Variants in STIL observed in about 807,000 individuals in gnomAD.
STIL encodes SCL-interrupting locus protein.
In STIL, 55 loss-of-function variants were observed where a neutral mutation model predicts 110.1. The observed-to-expected ratio is 0.50, with a 90% CI of 0.40 to 0.63. The LOEUF (loss-of-function observed/expected upper bound fraction) is 0.63. Ranked by LOEUF, STIL falls within the 20% of genes least tolerant of loss-of-function variation. The pLI is 0.00. For missense variants in STIL, 1,358 were observed against 1,530.0 expected (o/e 0.89, Z 1.87); for synonymous variants, 481 against 530.0 (o/e 0.91, Z 1.27).
At chr1:47,288,892 C>CAAAAAAAAAAAAAA (rs138649605) in intron 9 of STIL, among the ~76,000 whole-genome samples, 1 of 94,788 alleles carries the variant, frequency 1.1e-5, no homozygotes, top group Non-Finnish European at 2.1e-5. Context: ...AATGAAAATA[C>CAAAAAAAAAAAAAA]AAAAAAAAAA....
At chr1:47,309,001 G>A (rs182548060) in intron 2 of STIL, among the ~76,000 whole-genome samples, 2 of 151,212 alleles carry the variant, frequency 1.3e-5, no homozygotes, top group Admixed American at 6.6e-5. Context: ...GCAGTGAGCC[G>A]AGATGGCGCC....
At chr1:47,301,911 T>C (rs1438970596) in intron 4 of STIL, among the ~76,000 whole-genome samples, 163 bp from the exon 5 acceptor site, 1 of 152,226 alleles carries the variant, frequency 6.6e-6, no homozygotes, top group Non-Finnish European at 1.5e-5. Flanking sequence ...CTTATAAGCG[T>C]ATACTAAAGT....
upstream of STIL, among the ~76,000 whole-genome samples, chr1:47,314,865 C>A (rs796556126): frequency 3.8e-4 from 58 of 151,866 alleles, no homozygotes; most frequent in African/African-American, 1.3e-3. Context: ...GCTGGTATTA[C>A]AGGCGTCCAC....
rs1409833618 is a variant in STIL, at chr1:47,305,076, T to G, written c.45-80A>C. 6 of 906,194 alleles carry G rather than the reference T, an allele frequency of 6.6e-6. No homozygotes were observed. In the South Asian group the frequency reaches 8.3e-5, roughly 13 times the overall value. 56.1% of individuals were successfully genotyped at this position (906,194 alleles called of 1,614,324 possible). A position where few individuals can be genotyped will look rare whatever the true frequency, so the allele number is the denominator to read the frequency against. ...ATTTGGTAGGAAACAACTAACTATC[T>G]TTAAGGTGATGGTATTTTCAGACTA... On this transcript the variant is annotated intron_variant, in intron 2 of 16. Transcript: ENST00000371877.
intron 8 of STIL, among the ~76,000 whole-genome samples, chr1:47,292,011 C>T (rs1645504840): frequency 6.6e-6 from 1 of 151,178 alleles, no homozygotes; most frequent in Non-Finnish European, 1.5e-5. Context: ...GTCATTACAC[C>T]CAGCTAACTT....
intron 8 of STIL, among the ~76,000 whole-genome samples, chr1:47,292,177 C>G (rs1372337055): frequency 6.6e-6 from 1 of 151,708 alleles, no homozygotes; most frequent in Non-Finnish European, 1.5e-5. Context: ...GTCTGGGGAC[C>G]TTTATTTTGT....
chr1:47,271,490 C>T lies in STIL; in HGVS notation c.2383+586G>A, dbSNP rs191591590. 4.0e-3 allele frequency among the ~76,000 whole-genome samples: 571 copies of T among 142,206 alleles called. 2 individuals carry two copies. The highest frequency in any genetic ancestry group is 0.014 in the African/African-American group (547 of 38,140). The allele number at this position is 142,206 out of a possible 152,430, so 93.3% of individuals were successfully genotyped here. A position where few individuals can be genotyped will look rare whatever the true frequency, so the allele number is the denominator to read the frequency against. On this transcript the variant is annotated intron_variant, in intron 13 of 16. Transcript: ENST00000371877. ...AGGAAAATCACTTGAACCCAGGAGGCGGAGGTTGCAGTGAGCCGAGACTAT... is the reference window on the plus strand; with the variant it reads ...AGGAAAATCACTTGAACCCAGGAGGTGGAGGTTGCAGTGAGCCGAGACTAT...
intron 13 of STIL, among the ~76,000 whole-genome samples, chr1:47,270,928 C>T (rs1466826122): frequency 1.3e-5 from 2 of 152,054 alleles, no homozygotes; most frequent in East Asian, 3.9e-4. Flanking sequence ...ATCCACCTGC[C>T]TTGACCTCCC....
At chr1:47,259,193 A>G (rs6688323) in intron 16 of STIL, among the ~76,000 whole-genome samples, 52,730 of 148,870 alleles carry the variant, frequency 0.35, 10,625 homozygotes, top group African/African-American at 0.55. Flanking sequence ...TCACCGTGTT[A>G]GCCAGAATGG....
intron 14 of STIL, among the ~76,000 whole-genome samples, chr1:47,267,652 G>A (rs559508902): frequency 7.8e-5 from 11 of 140,832 alleles, no homozygotes; most frequent in Admixed American, 5.8e-4. Flanking sequence ...CAGCCAGGGC[G>A]ACAGAGCGAG....
At chr1:47,294,992 G>A (rs544205317) in intron 7 of STIL, among the ~76,000 whole-genome samples, 59 of 152,160 alleles carry the variant, frequency 3.9e-4, no homozygotes, top group African/African-American at 1.4e-3. Context: ...CGCAATCTCA[G>A]CTCACTGCAA....
At chr1:47,289,623 G>A in intron 8 of STIL, 38 bp from the exon 9 acceptor site, 1 of 1,553,068 alleles carries the variant, frequency 6.4e-7, no homozygotes, top group South Asian at 1.1e-5. Context: ...ATTTAATGAG[G>A]ATAACATGAT....
At chr1:47,275,677 T>C (rs2742100) in intron 12 of STIL, among the ~76,000 whole-genome samples, 45 of 152,072 alleles carry the variant, frequency 3.0e-4, no homozygotes, top group African/African-American at 9.4e-4. Flanking sequence ...TAGGCCAGAG[T>C]ACAGTGGCAC....
At chr1:47,303,331 G>A (rs1237750093) in intron 3 of STIL, among the ~76,000 whole-genome samples, 1 of 152,176 alleles carries the variant, frequency 6.6e-6, no homozygotes, top group African/African-American at 2.4e-5. Context: ...TTGGGAGGAT[G>A]AGGCAGGTGG....
intron 16 of STIL, 112 bp from the exon 17 acceptor site, chr1:47,252,034 G>A (rs1644199291): frequency 8.9e-7 from 1 of 1,126,328 alleles, no homozygotes; most frequent in East Asian, 2.5e-5. Flanking sequence ...TAAGTTCATG[G>A]TCCTTTTATC....
At chr1:47,308,230 G>A (rs1400208051) in intron 2 of STIL, among the ~76,000 whole-genome samples, 1 of 151,988 alleles carries the variant, frequency 6.6e-6, no homozygotes, top group South Asian at 2.1e-4. Context: ...TGGCTTGTGG[G>A]GCATCACGAA....
intron 2 of STIL, among the ~76,000 whole-genome samples, chr1:47,309,897 C>T (rs1215670581): frequency 2.0e-5 from 3 of 152,072 alleles, no homozygotes; most frequent in Non-Finnish European, 2.9e-5. Flanking sequence ...AAACAAACAC[C>T]GATATAATTT....
chr1:47,296,702 C>A (rs564087060), intron 6 of STIL, among the ~76,000 whole-genome samples: 2 of 151,802 alleles, frequency 1.3e-5, no homozygotes, highest in Admixed American at 6.6e-5. Context: ...CCCAGCTACT[C>A]GGGAGGCTGA....
intron 12 of STIL, among the ~76,000 whole-genome samples, chr1:47,278,934 G>T (rs1237609403): frequency 6.6e-6 from 1 of 152,070 alleles, no homozygotes; most frequent in African/African-American, 2.4e-5. Context: ...TTTGAAAAAT[G>T]TCATTGTCTT....
Sources: allele counts gnomAD v4.1 joint callset (sites outside exome capture counted in the v4.1 genomes callset), GRCh38; gene constraint gnomAD v4.1.1; transcripts MANE v1.5; gene names NCBI Gene and HGNC (gene_info 2026-07-23, HGNC 2026-07-21).